The following NPAS3 variants were observed in gnomAD, a reference collection of about 807,000 sequenced individuals.
NPAS3 encodes the protein neuronal PAS domain protein 3.
In NPAS3, 14 loss-of-function variants were observed where a neutral mutation model predicts 73.1. The ratio of observed to expected loss-of-function variants is 0.19; its 90% confidence interval spans 0.13 to 0.30. NPAS3 has a LOEUF of 0.30. Among genes scored for constraint, NPAS3 ranks in the 10% least tolerant of loss-of-function variants. NPAS3 has a pLI of 1.00. For missense variants in NPAS3, 1,096 were observed against 1,250.0 expected, an observed-to-expected ratio of 0.88 and a Z score of 1.86; for synonymous variants, 620 against 541.5, an observed-to-expected ratio of 1.14 and a Z score of -2.01.
chr14:33,242,943 T>G (rs892252244), intron 3 of NPAS3, among the ~76,000 whole-genome samples: 1 of 152,140 alleles, frequency 6.6e-6, no homozygotes, highest in African/African-American at 2.4e-5. Context: ...AAGTCTGCCC[T>G]CTCTACAGTC....
chr14:32,997,642 C>A (rs1028606785), intron 1 of NPAS3, among the ~76,000 whole-genome samples: 1 of 151,602 alleles, frequency 6.6e-6, no homozygotes, highest in African/African-American at 2.4e-5. Flanking sequence ...ATGTGACTGG[C>A]GGCTGGGCGC....
chr14:33,685,682 CT>C (rs2060068740), intron 6 of NPAS3, among the ~76,000 whole-genome samples: 3 of 152,202 alleles, frequency 2.0e-5, no homozygotes, highest in African/African-American at 7.2e-5. Flanking sequence ...ATGCTTTTAG[CT>C]TTGTCTACTC....
intron 5 of NPAS3, among the ~76,000 whole-genome samples, chr14:33,661,288 G>A (rs759206734): frequency 2.0e-5 from 3 of 152,090 alleles, no homozygotes; most frequent in African/African-American, 7.2e-5. Flanking sequence ...GGAGAATCAG[G>A]TGTTTTCATT....
chr14:33,598,432 C>A (rs552811358), intron 5 of NPAS3, among the ~76,000 whole-genome samples: 1 of 152,292 alleles, frequency 6.6e-6, no homozygotes, highest in African/African-American at 2.4e-5. Context: ...AATAAGTCAT[C>A]ATTCTATTTT....
At chr14:33,612,601 C>T (rs2057786287) in intron 5 of NPAS3, 2 of 429,610 alleles carry the variant, frequency 4.7e-6, no homozygotes, top group Non-Finnish European at 9.4e-6. Flanking sequence ...CTTTGTATGC[C>T]TTTTGTAGGT....
At chr14:33,761,282 C>T (rs994252995) in intron 7 of NPAS3, among the ~76,000 whole-genome samples, 4 of 152,076 alleles carry the variant, frequency 2.6e-5, no homozygotes, top group African/African-American at 9.7e-5. Context: ...TTTACACTGG[C>T]AGAGAGAGGA....
At chr14:33,263,001 T>C (rs1381233464) in intron 3 of NPAS3, among the ~76,000 whole-genome samples, 1 of 152,206 alleles carries the variant, frequency 6.6e-6, no homozygotes, top group Non-Finnish European at 1.5e-5. Flanking sequence ...TTGAGTCCTT[T>C]GTAGATTCTG....
chr14:32,982,323 A>G (rs1335751784), intron 1 of NPAS3, among the ~76,000 whole-genome samples: 3 of 152,122 alleles, frequency 2.0e-5, no homozygotes, highest in African/African-American at 7.2e-5. Flanking sequence ...ACCTCCCAAC[A>G]CTGTTGTACT....
intron 5 of NPAS3, among the ~76,000 whole-genome samples, chr14:33,659,988 A>C (rs1443306962): frequency 4.6e-5 from 7 of 152,170 alleles, no homozygotes; most frequent in Middle Eastern, 3.4e-3. Context: ...CCCCAGGACC[A>C]CTCTCCTGAG....
chr14:33,258,379 G>A (rs983539543), intron 3 of NPAS3, among the ~76,000 whole-genome samples: 4 of 152,158 alleles, frequency 2.6e-5, no homozygotes, highest in Non-Finnish European at 4.4e-5. Flanking sequence ...TCCAACCTGG[G>A]TGAAAGAAAG....
chr14:33,238,028 A>G (rs2139813658), intron 3 of NPAS3, among the ~76,000 whole-genome samples: 1 of 152,130 alleles, frequency 6.6e-6, no homozygotes, highest in East Asian at 1.9e-4. Flanking sequence ...GAATTATTTA[A>G]AAAATTAAAA....
At chr14:33,299,723 A>G (rs1309035623) in intron 3 of NPAS3, among the ~76,000 whole-genome samples, 1 of 152,206 alleles carries the variant, frequency 6.6e-6, no homozygotes, top group Non-Finnish European at 1.5e-5. Flanking sequence ...AAAGGGGGAA[A>G]AAAAGCAATG....
chr14:33,558,668 C>A (rs1330741248), intron 4 of NPAS3, among the ~76,000 whole-genome samples: 1 of 151,536 alleles, frequency 6.6e-6, no homozygotes, highest in African/African-American at 2.4e-5. Flanking sequence ...AATATACATT[C>A]CCCCAAAATT....
At chr14:33,645,160 G>A (rs936028077) in intron 5 of NPAS3, among the ~76,000 whole-genome samples, 3 of 152,008 alleles carry the variant, frequency 2.0e-5, no homozygotes, top group African/African-American at 4.8e-5. Context: ...GAGAAATGTC[G>A]AGAGTTGGTA....
chr14:33,541,345 T>C lies in NPAS3; in HGVS notation c.469-18776T>C, dbSNP rs150287819. On this transcript the variant is annotated intron_variant, in intron 4 of 11. Coordinates refer to ENST00000356141, the Ensembl canonical transcript of NPAS3. ...GGACCCAAGCAAGCATATGTGTTTA[T>C]TCATGATGCTAAATCATTTTCCCAC... 8.0e-3 allele frequency among the ~76,000 whole-genome samples: 1,216 copies of C among 152,306 alleles called. 9 individuals carry two copies. Among genetic ancestry groups the C allele is most frequent in the Non-Finnish European group, 0.014 (923 of 68,022 alleles).
At chr14:33,039,141 A>G (rs1309572978) in intron 1 of NPAS3, among the ~76,000 whole-genome samples, 7 of 152,166 alleles carry the variant, frequency 4.6e-5, no homozygotes, top group Admixed American at 4.6e-4. Context: ...AGTGATCTAT[A>G]GCATCATTCT....
chr14:33,105,881 T>C (rs990767), intron 2 of NPAS3, among the ~76,000 whole-genome samples: 25,936 of 152,152 alleles, frequency 0.17, 2,538 homozygotes, highest in East Asian at 0.44. Flanking sequence ...GAATTATTCC[T>C]ACAGGAGTTA....
At chr14:33,357,677 T>C (rs917576302) in intron 3 of NPAS3, among the ~76,000 whole-genome samples, 25 of 152,212 alleles carry the variant, frequency 1.6e-4, no homozygotes, top group African/African-American at 5.5e-4. Context: ...CAAGTATTTA[T>C]TGTGTGCCTT....
At chr14:33,541,130 T>G (rs936966322) in intron 4 of NPAS3, among the ~76,000 whole-genome samples, 3 of 145,336 alleles carry the variant, frequency 2.1e-5, no homozygotes, top group Non-Finnish European at 4.6e-5. Context: ...TGTGTGTGCA[T>G]GCACACACAC....
Sources: gnomAD v4.1 joint callset for allele counts (sites outside exome capture counted in the v4.1 genomes callset) on GRCh38, gnomAD v4.1.1 for gene constraint, MANE v1.5 for transcripts, NCBI Gene and HGNC (gene_info 2026-07-23, HGNC 2026-07-21) for gene names.